CRIM1: variants seen among roughly 807,000 people sequenced by gnomAD.
CRIM1 encodes the protein cysteine rich transmembrane BMP regulator 1.
CRIM1 carries 32 observed loss-of-function variants against 116.4 expected under a neutral mutation model. The ratio of observed to expected loss-of-function variants is 0.27; its 90% confidence interval spans 0.21 to 0.37. CRIM1 has a LOEUF of 0.37. Ranked by LOEUF, CRIM1 falls within the 10% of genes least tolerant of loss-of-function variation. CRIM1 has a pLI of 1.00. For synonymous variants in CRIM1, 590 were observed against 509.2 expected, an observed-to-expected ratio of 1.16 and a Z score of -2.13; for missense variants, 1,331 against 1,354.8, an observed-to-expected ratio of 0.98 and a Z score of 0.28.
chr2:36,416,618 A>G (rs1181591932), intron 2 of CRIM1, among the ~76,000 whole-genome samples: 1 of 152,050 alleles, frequency 6.6e-6, no homozygotes, highest in Non-Finnish European at 1.5e-5. Flanking sequence ...TTTACGCCTA[A>G]TTTCATTTAA....
chr2:36,548,716 G>A lies in CRIM1; in HGVS notation c.*15G>A, dbSNP rs1389889430. 3 of 1,563,758 alleles carry A rather than the reference G, an allele frequency of 1.9e-6. No individual in the cohort carries two copies. In the East Asian group the frequency reaches 6.7e-5, roughly 35 times the overall value. ...AAACAGTGTGAAGAAAGGCAACTAG[G>A]ATGAGGTTTCAAAAGACGGAAGACG... On this transcript the variant is annotated 3_prime_UTR_variant, in exon 17 of 17. Transcript: ENST00000280527.
chr2:36,513,490 GAC>G lies in CRIM1; in HGVS notation c.1781-65_1781-64del, dbSNP rs1664826488. 3.2e-5 allele frequency: 42 copies of G among 1,332,232 alleles called. No homozygotes were observed. The Admixed American group carries it at 7.1e-4, about 22-fold the overall frequency. 82.5% of individuals were successfully genotyped at this position (1,332,232 alleles called of 1,614,324 possible). A position where few individuals can be genotyped will look rare whatever the true frequency, so the allele number is the denominator to read the frequency against. On this transcript the variant is annotated intron_variant, in intron 10 of 16. Coordinates refer to ENST00000280527, the MANE Select transcript of CRIM1 (RefSeq NM_016441.3). ...GTGGCTGGGGTCCAGTCCATGTACA[GAC>G]TCTGTAGCCTGTTTCTCCTGTGCAG...
At chr2:36,378,650 G>C (rs190272739) in intron 1 of CRIM1, 11 of 205,144 alleles carry the variant, frequency 5.4e-5, no homozygotes, top group African/African-American at 2.5e-4. Flanking sequence ...CTGTCCTAAA[G>C]GTAAAAGATT....
chr2:36,361,474 G>C (rs1669219178), intron 1 of CRIM1, among the ~76,000 whole-genome samples: 1 of 152,116 alleles, frequency 6.6e-6, no homozygotes, highest in South Asian at 2.1e-4. Context: ...GGTGAGGCAG[G>C]GGATGGGCAT....
intron 13 of CRIM1, among the ~76,000 whole-genome samples, chr2:36,523,899 G>A (rs1307264770): frequency 1.3e-5 from 2 of 152,134 alleles, no homozygotes; most frequent in Non-Finnish European, 2.9e-5. Flanking sequence ...TTTACTCTGC[G>A]TGTTGGTATA....
intron 13 of CRIM1, chr2:36,531,831 A>G (rs762801901): frequency 3.7e-5 from 17 of 462,104 alleles, no homozygotes; most frequent in Admixed American, 7.4e-5. Flanking sequence ...TTTTATTGTA[A>G]TCATATGTGA....
At chr2:36,389,834 A>G (rs1260325091) in intron 1 of CRIM1, among the ~76,000 whole-genome samples, 3 of 152,152 alleles carry the variant, frequency 2.0e-5, no homozygotes, top group Admixed American at 2.0e-4. Context: ...TGAAGAGCAT[A>G]GAGGTTGAAT....
chr2:36,476,342 T>A (rs1281557795), intron 5 of CRIM1, among the ~76,000 whole-genome samples: 3 of 152,180 alleles, frequency 2.0e-5, no homozygotes, highest in Non-Finnish European at 4.4e-5. Flanking sequence ...TTATAGGGAT[T>A]AAGTGAGGTG....
At chr2:36,441,128 G>A in intron 2 of CRIM1, 130 bp from the exon 3 acceptor site, 5 of 1,252,078 alleles carry the variant, frequency 4.0e-6, no homozygotes, top group Non-Finnish European at 5.6e-6. Flanking sequence ...AAGTTTGAAG[G>A]TTTACACTGA....
At chr2:36,498,105 A>C (rs1680731619) in intron 7 of CRIM1, among the ~76,000 whole-genome samples, 2 of 152,234 alleles carry the variant, frequency 1.3e-5, no homozygotes, top group East Asian at 1.9e-4. Context: ...TGTGAGCAAC[A>C]GCTTACTTTG....
Position 36,441,511 on chromosome 2 carries a change from GCT to G in CRIM1, c.748+14_748+15del. ...ATGAGTGCAAACCAGGTATGCACGA[GCT>G]CTGTCTCAGCAGCCTTGTTCCTTTG... On this transcript the variant is annotated intron_variant, in intron 3 of 16. Transcript: ENST00000280527. 1 of 1,606,140 alleles carries G rather than the reference GCT, an allele frequency of 6.2e-7. No homozygotes were observed. Among genetic ancestry groups the G allele is most frequent in the East Asian group, 2.2e-5 (1 of 44,872 alleles).
intron 2 of CRIM1, among the ~76,000 whole-genome samples, chr2:36,402,950 C>T (rs1219752800): frequency 6.6e-6 from 1 of 152,064 alleles, no homozygotes; most frequent in Non-Finnish European, 1.5e-5. Flanking sequence ...AATTCAGTAA[C>T]TCATTAAGTA....
chr2:36,413,460 C>T (rs1469925768), intron 2 of CRIM1, among the ~76,000 whole-genome samples: 2 of 152,094 alleles, frequency 1.3e-5, no homozygotes, highest in Admixed American at 1.3e-4. Flanking sequence ...ACAGGCTTTT[C>T]ACACAAGCGG....
At position 36,517,446 on chromosome 2, in the gene CRIM1, C is replaced by T. The variant is rs1665101132; in HGVS notation, c.2110C>T (p.His704Tyr). Residue 704 changes from histidine to tyrosine, a missense_variant, in exon 12 of 17, where the codon CAC becomes TAC. Physicochemically the swap from His to Tyr is moderately conservative, Grantham distance 83. This residue lies in a region of CRIM1 where 358 missense variants were observed against 436.1 expected (regional missense o/e 0.82). Coordinates refer to ENST00000280527, the MANE Select transcript of CRIM1 (RefSeq NM_016441.3). The part of the protein sequence containing the change: ...NIDSCTQCTC[H>Y]SGRVLCETEV... ...TGACTCCTGTACTCAGTGCACCTGC[C>T]ACAGCGGACGGGTGCTGTGTGAGAC... 2 of 1,614,122 alleles carry T rather than the reference C, an allele frequency of 1.2e-6. No individual in the cohort carries two copies. Among genetic ancestry groups the T allele is most frequent in the African/African-American group, 2.7e-5 (2 of 74,940 alleles).
intron 4 of CRIM1, among the ~76,000 whole-genome samples, chr2:36,453,643 T>C (rs753065449): frequency 3.3e-5 from 5 of 152,252 alleles, no homozygotes; most frequent in Non-Finnish European, 5.9e-5. Flanking sequence ...GGCATTGGGC[T>C]ACCCAGCAGG....
intron 1 of CRIM1, among the ~76,000 whole-genome samples, chr2:36,390,299 G>T (rs1037794665): frequency 2.5e-4 from 38 of 152,166 alleles, no homozygotes; most frequent in Non-Finnish European, 2.8e-4. Flanking sequence ...AATAGGGTTG[G>T]GGAAGGTCAC....
chr2:36,386,160 A>G (rs1170445807), intron 1 of CRIM1, among the ~76,000 whole-genome samples: 1 of 152,186 alleles, frequency 6.6e-6, no homozygotes, highest in East Asian at 1.9e-4. Flanking sequence ...GCATCCATTA[A>G]TATTTATAAA....
At chr2:36,442,023 G>A (rs140669737) in intron 3 of CRIM1, among the ~76,000 whole-genome samples, 7 of 152,264 alleles carry the variant, frequency 4.6e-5, no homozygotes, top group African/African-American at 1.7e-4. Context: ...TTTATAGCAT[G>A]TGCCAAGTCA....
At chr2:36,416,072 G>A (rs1673596018) in intron 2 of CRIM1, among the ~76,000 whole-genome samples, 1 of 152,162 alleles carries the variant, frequency 6.6e-6, no homozygotes, top group Non-Finnish European at 1.5e-5. Flanking sequence ...GCTTGGCATG[G>A]TAGGGTGTGC....
Sources: gnomAD v4.1 joint callset for allele counts (sites outside exome capture counted in the v4.1 genomes callset) on GRCh38, gnomAD v4.1.1 for gene constraint, gnomAD v4.1.1 regional missense constraint, MANE v1.5 for transcripts, NCBI Gene and HGNC (gene_info 2026-07-23, HGNC 2026-07-21) for gene names.